The following ADGRG6 variants were observed in gnomAD, a reference collection of about 807,000 sequenced individuals.
The protein encoded by ADGRG6 is adhesion G protein-coupled receptor G6.
A neutral mutation model predicts 142.4 loss-of-function variants in ADGRG6; 84 were observed. That is an observed-to-expected ratio of 0.59 (90% CI 0.49 to 0.71). The LOEUF is 0.71. Ranked by LOEUF, ADGRG6 falls within the 30% of genes least tolerant of loss-of-function variation. The pLI is 0.00. For synonymous variants in ADGRG6, 521 were observed against 520.5 expected (o/e 1.00, Z -0.01); for missense variants, 1,367 against 1,466.6 (o/e 0.93, Z 1.11).
At position 142,415,105 on chromosome 6, in the gene ADGRG6, A is replaced by G; in HGVS notation, c.2669+9A>G. On this transcript the variant is annotated intron_variant, in intron 19 of 24. Transcript: ENST00000367609. Reference sequence around the variant, plus strand: ...ACATATGTTGCTTTTGAGTAAGTATATTTTTAATCTGCCAAACCCATTGCT... The same window carrying G: ...ACATATGTTGCTTTTGAGTAAGTATGTTTTTAATCTGCCAAACCCATTGCT... The G allele has an allele frequency of 6.2e-7, 1 of 1,605,972 alleles. No individual in the cohort carries two copies. The highest frequency in any genetic ancestry group is 1.1e-5 in the South Asian group (1 of 89,562).
At position 142,438,233 on chromosome 6, in the gene ADGRG6, A is replaced by G. The variant is rs770715586; in HGVS notation, c.3443A>G (p.Asn1148Ser). ...TCAGATTGGAGTAAGACAGCTACCAATATCATCAAGAAAAGTTCTGATAAT... is the reference window on the plus strand; with the variant it reads ...TCAGATTGGAGTAAGACAGCTACCAGTATCATCAAGAAAAGTTCTGATAAT... ...DNSDWSKTAT[N>S]IIKKSSDNLG... Residue 1148 changes from asparagine (N) to serine (S), a missense_variant, in exon 24 of 25, where the codon AAT (asparagine) becomes AGT (serine). Around this residue, in one of 3 missense-constraint regions of ADGRG6, gnomAD observed 344 missense variants for 348.7 expected, o/e 0.99. Coordinates refer to ENST00000367609, the MANE Select transcript of ADGRG6 (RefSeq NM_198569.3). 11 of 1,602,608 alleles carry G rather than the reference A, an allele frequency of 6.9e-6. No individual in the cohort carries two copies. The highest frequency in any genetic ancestry group is 2.3e-5 in the East Asian group (1 of 44,434).
chr6:142,404,623 G>A (rs1345292151), intron 14 of ADGRG6, among the ~76,000 whole-genome samples: 3 of 152,000 alleles, frequency 2.0e-5, no homozygotes, highest in African/African-American at 4.8e-5. Context: ...CAGCCTGGGC[G>A]ACAGAGCAAG....
intron 2 of ADGRG6, among the ~76,000 whole-genome samples, chr6:142,353,758 C>T (rs1337842818): frequency 6.6e-6 from 1 of 152,116 alleles, no homozygotes; most frequent in Non-Finnish European, 1.5e-5. Flanking sequence ...TTTTACATCA[C>T]TAAAAGCTGT....
At chr6:142,337,377 T>C (rs1021393835) in intron 2 of ADGRG6, among the ~76,000 whole-genome samples, 43 of 152,208 alleles carry the variant, frequency 2.8e-4, no homozygotes, top group African/African-American at 9.9e-4. Flanking sequence ...AGAATGTGGT[T>C]CAGTTTTAAT....
chr6:142,383,040 TTA>T (rs1432822758), intron 5 of ADGRG6, among the ~76,000 whole-genome samples: 1 of 152,158 alleles, frequency 6.6e-6, no homozygotes, highest in Non-Finnish European at 1.5e-5. Flanking sequence ...TTTCAAATTG[TTA>T]TATGAAATAA....
At chr6:142,317,773 C>A (rs1478765376) in intron 2 of ADGRG6, among the ~76,000 whole-genome samples, 11 of 80,274 alleles carry the variant, frequency 1.4e-4, no homozygotes, top group African/African-American at 2.7e-4. Flanking sequence ...ATATTTATAT[C>A]ATATATATTT....
chr6:142,347,833 A>G (rs1426562852), intron 2 of ADGRG6, among the ~76,000 whole-genome samples: 3 of 152,186 alleles, frequency 2.0e-5, no homozygotes, highest in Admixed American at 1.3e-4. Flanking sequence ...ATAATTCATC[A>G]TAGCTTCCAA....
Position 142,383,823 on chromosome 6 carries a change from G to C in ADGRG6, c.1202G>C (p.Arg401Thr). 6.4e-7 allele frequency: 1 copy of C among 1,556,112 alleles called. No individual in the cohort carries two copies. Among genetic ancestry groups the C allele is most frequent in the South Asian group, 1.1e-5 (1 of 89,740 alleles). ...TVTTNMPVTN[R>T]IDKQRNDGII... Reference sequence around the variant, plus strand: ...ACCACTAACATGCCTGTTACTAACAGAATCGATAAACAAAGGAATGGTAAG... The same window carrying C: ...ACCACTAACATGCCTGTTACTAACACAATCGATAAACAAAGGAATGGTAAG... Residue 401 changes from arginine to threonine, a missense_variant, in exon 6 of 25, where the codon AGA becomes ACA. By Grantham distance (71) the Arg-to-Thr change is moderately conservative. This residue lies in a region of ADGRG6 where 737 missense variants were observed against 746.5 expected (regional missense o/e 0.99). Transcript: ENST00000367609.
At chr6:142,303,453 T>A (rs916059658) in intron 1 of ADGRG6, among the ~76,000 whole-genome samples, 1 of 152,242 alleles carries the variant, frequency 6.6e-6, no homozygotes, top group African/African-American at 2.4e-5. Flanking sequence ...TGTAACTCTG[T>A]TCCAGGTACT....
At position 142,438,269 on chromosome 6, in the gene ADGRG6, C is replaced by CT; in HGVS notation, c.3482dup (p.Leu1161PhefsTer18). ...AAAAGTTCTGATAATCTAGGAAAATCTTTGTCTTCAAGCTCCATTGGTTCC... is the reference window on the plus strand; with the variant it reads ...AAAAGTTCTGATAATCTAGGAAAATCTTTTGTCTTCAAGCTCCATTGGTTCC... On this transcript the variant is annotated frameshift_variant, in exon 24 of 25. Transcript: ENST00000367609. LOFTEE classifies it high-confidence loss of function. 6.2e-7 allele frequency: 1 copy of CT among 1,604,252 alleles called. No individual in the cohort carries two copies. Among genetic ancestry groups the CT allele is most frequent in the Non-Finnish European group, 8.5e-7 (1 of 1,173,330 alleles).
chr6:142,389,306 T>TA (rs1774749355), intron 6 of ADGRG6, among the ~76,000 whole-genome samples: 2 of 151,974 alleles, frequency 1.3e-5, no homozygotes, highest in Admixed American at 1.3e-4. Context: ...TCAACATTGC[T>TA]ATAATTATGT....
intron 4 of ADGRG6, 138 bp from the exon 5 acceptor site, chr6:142,381,813 T>G (rs1414384376): frequency 5.8e-6 from 3 of 512,896 alleles, no homozygotes; most frequent in African/African-American, 5.8e-5. Context: ...CACAGTGGCC[T>G]TAAGAGACTT....
rs781466239 is a variant in ADGRG6 at position 142,402,761 on chromosome 6, C to T, written c.1886C>T (p.Ser629Leu). The change falls in exon 13 of 25, where the codon TCA becomes TTA. Residue 629 changes from serine (S) to leucine (L), a missense_variant. Physicochemically the swap from Ser to Leu is moderately radical, Grantham distance 145 (BLOSUM62 -2). Around this residue, in one of 3 missense-constraint regions of ADGRG6, gnomAD observed 737 missense variants for 746.5 expected, o/e 0.99. Coordinates refer to ENST00000367609, the MANE Select transcript of ADGRG6 (RefSeq NM_198569.3). ...KEENIDITLG[S>L]TLMNIFSNIL... ...GAAAACATTGATATAACACTTGGCT[C>T]AACTCTAATGAATATATTTTCTAAT... 6.2e-7 allele frequency: 1 copy of T among 1,600,768 alleles called. No homozygotes were observed. The highest frequency in any genetic ancestry group is 1.1e-5 in the South Asian group (1 of 90,694).
intron 10 of ADGRG6, among the ~76,000 whole-genome samples, chr6:142,400,178 A>G (rs1437726417): frequency 3.3e-5 from 5 of 152,192 alleles, no homozygotes; most frequent in African/African-American, 9.6e-5. Flanking sequence ...TTTGAATAAA[A>G]CTAGTATCTG....
chr6:142,428,734 G>A (rs1168056926), intron 22 of ADGRG6, among the ~76,000 whole-genome samples: 1 of 152,012 alleles, frequency 6.6e-6, no homozygotes, highest in African/African-American at 2.4e-5. Flanking sequence ...ACAGCATGGG[G>A]GAACCATCCC....
Position 142,437,489 on chromosome 6 carries a change from G to A in ADGRG6, c.3375G>A (p.Trp1125Ter). The change falls in exon 23 of 25, where the codon TGG (tryptophan) becomes TGA (stop). Residue 1125 changes from tryptophan (W) to a stop codon, truncating the protein, a stop_gained. Transcript: ENST00000367609. LOFTEE classifies it high-confidence loss of function. ...TGAAGGAGAATGTTCAGAAACAGTG[G>A]CGGCAGCATCTCTGCTGTGGTAGAT... is the stretch of plus-strand genomic sequence containing the variant. The part of the protein sequence containing the change: ...CAMKENVQKQ[W>*]RQHLCCGRFR... 1 of 1,589,700 alleles carries A rather than the reference G, an allele frequency of 6.3e-7. No homozygotes were observed. The highest frequency in any genetic ancestry group is 2.2e-5 in the East Asian group (1 of 44,734).
chr6:142,396,104 A>G (rs1000684768), intron 9 of ADGRG6, among the ~76,000 whole-genome samples: 1 of 152,194 alleles, frequency 6.6e-6, no homozygotes. Flanking sequence ...TGGGTATTCA[A>G]TATCACCCAC....
At chr6:142,423,359 G>A (rs1404731032) in intron 22 of ADGRG6, among the ~76,000 whole-genome samples, 1 of 151,616 alleles carries the variant, frequency 6.6e-6, no homozygotes, top group Non-Finnish European at 1.5e-5. Context: ...GTAAGGAAGG[G>A]ATCCAGTTTC....
At position 142,383,782 on chromosome 6, in the gene ADGRG6, T is replaced by A. The variant is rs778465876; in HGVS notation, c.1161T>A (p.Thr387=). 1.3e-6 allele frequency: 2 copies of A among 1,573,384 alleles called. No homozygotes were observed. The highest frequency in any genetic ancestry group is 1.7e-5 in the Admixed American group (1 of 59,864). ...CAGCTACTGTAAACTCTCCTAGTAC[T>A]ACACCACCCACTGTCACCACTAACA... is the stretch of plus-strand genomic sequence containing the variant. The part of the protein sequence containing the change: ...LCQATVNSPS[T]TPPTVTTNMP... The change falls in exon 6 of 25, where the codon ACT becomes ACA. Residue 387 remains threonine, a synonymous_variant. Coordinates refer to ENST00000367609, the MANE Select transcript of ADGRG6 (RefSeq NM_198569.3).
Sources: gnomAD v4.1 joint callset for allele counts (sites outside exome capture counted in the v4.1 genomes callset) on GRCh38, gnomAD v4.1.1 for gene constraint, gnomAD v4.1.1 regional missense constraint, MANE v1.5 for transcripts, NCBI Gene and HGNC (gene_info 2026-07-23, HGNC 2026-07-21) for gene names.